The following THSD4 variants were observed in gnomAD, a reference collection of about 807,000 sequenced individuals.
The protein encoded by THSD4 is thrombospondin type 1 domain containing 4, also known as thrombospondin type-1 domain-containing protein 4.
In THSD4, 69 loss-of-function variants were observed where a neutral mutation model predicts 119.0. The ratio of observed to expected loss-of-function variants is 0.58; its 90% CI spans 0.48 to 0.71. The LOEUF (loss-of-function observed/expected upper bound fraction) is 0.71. THSD4 is among the 30% of genes least tolerant of loss of function. THSD4 has a pLI of 0.00. For synonymous variants in THSD4, 524 were observed against 540.4 expected (o/e 0.97, Z 0.42); for missense variants, 1,393 against 1,391.1 (o/e 1.00, Z -0.02).
In THSD4 at chr15:71,724,287, A is replaced by AT. The variant is rs1555445828; in HGVS notation, c.1358-4252dup. Among the ~76,000 whole-genome samples, 198 of 37,244 alleles carry AT rather than the reference A, an allele frequency of 5.3e-3. 2 individuals carry two copies. The highest frequency in any genetic ancestry group is 0.01 in the Admixed American group (25 of 2,408). The allele number at this position is 37,244 out of a possible 152,430, so 24.4% of individuals were successfully genotyped here. A position where few individuals can be genotyped will look rare whatever the true frequency, so the allele number is the denominator to read the frequency against. ...ATGGGATATATATATATATATATAT[A>AT]TTTTTTTTTTCCCCCCAAGATGGAA... On this transcript the variant is annotated intron_variant, in intron 8 of 17. Coordinates refer to ENST00000261862, the MANE Select transcript of THSD4 (RefSeq NM_024817.3).
intron 4 of THSD4, among the ~76,000 whole-genome samples, chr15:71,218,083 T>G (rs1382881609): frequency 6.6e-6 from 1 of 152,228 alleles, no homozygotes; most frequent in Non-Finnish European, 1.5e-5. Flanking sequence ...CCCCAGGCAC[T>G]GTTCTTATCA....
intron 7 of THSD4, among the ~76,000 whole-genome samples, chr15:71,490,457 G>T (rs2047898848): frequency 6.6e-6 from 1 of 152,012 alleles, no homozygotes; most frequent in Non-Finnish European, 1.5e-5. Context: ...CTACTCGGGA[G>T]GCTGAGGCAG....
chr15:71,210,925 G>A (rs1208192156), intron 3 of THSD4, among the ~76,000 whole-genome samples: 1 of 151,988 alleles, frequency 6.6e-6, no homozygotes, highest in Non-Finnish European at 1.5e-5. Flanking sequence ...TACAAAATAT[G>A]ATGCAATATG....
intron 8 of THSD4, among the ~76,000 whole-genome samples, chr15:71,675,340 C>G (rs896629866): frequency 6.6e-6 from 1 of 152,176 alleles, no homozygotes; most frequent in Non-Finnish European, 1.5e-5. Flanking sequence ...CTCTCCAGCT[C>G]GGTACTTAAA....
At chr15:71,572,076 A>G (rs2049368585) in intron 7 of THSD4, among the ~76,000 whole-genome samples, 1 of 152,234 alleles carries the variant, frequency 6.6e-6, no homozygotes, top group Non-Finnish European at 1.5e-5. Flanking sequence ...AGAGAGAAAC[A>G]GGGATGGATA....
At chr15:71,450,808 G>A (rs907863461) in intron 7 of THSD4, among the ~76,000 whole-genome samples, 1 of 152,148 alleles carries the variant, frequency 6.6e-6, no homozygotes, top group African/African-American at 2.4e-5. Flanking sequence ...ACACACGGGA[G>A]CCCCACAAAA....
chr15:71,664,621 A>G (rs1408885918), intron 8 of THSD4, among the ~76,000 whole-genome samples: 1 of 152,078 alleles, frequency 6.6e-6, no homozygotes, highest in African/African-American at 2.4e-5. Flanking sequence ...CCTAGTATCC[A>G]ATAGTTATTT....
At chr15:71,181,673 G>T (rs1336388684) in intron 3 of THSD4, among the ~76,000 whole-genome samples, 2 of 152,194 alleles carry the variant, frequency 1.3e-5, no homozygotes, top group African/African-American at 4.8e-5. Flanking sequence ...TGGCTGACTT[G>T]ACTTTAATTG....
chr15:71,651,366 G>T (rs1301604936), intron 7 of THSD4, among the ~76,000 whole-genome samples: 1 of 152,126 alleles, frequency 6.6e-6, no homozygotes, highest in Non-Finnish European at 1.5e-5. Context: ...TCCATCTCCA[G>T]TCCATTGCCC....
At chr15:71,461,758 T>G (rs995888847) in intron 7 of THSD4, among the ~76,000 whole-genome samples, 52 of 151,984 alleles carry the variant, frequency 3.4e-4, no homozygotes, top group African/African-American at 1.3e-3. Context: ...TAGGATTTTC[T>G]TCCACTATGA....
chr15:71,099,519 T>A (rs1016387219), intron 1 of THSD4, among the ~76,000 whole-genome samples: 1 of 152,212 alleles, frequency 6.6e-6, no homozygotes, highest in South Asian at 2.1e-4. Context: ...TATTATGCAA[T>A]GTGTCCTCTT....
At chr15:71,361,489 A>G (rs186333930) in intron 6 of THSD4, among the ~76,000 whole-genome samples, 2 of 152,368 alleles carry the variant, frequency 1.3e-5, no homozygotes, top group East Asian at 3.9e-4. Context: ...GGCAAAGATA[A>G]AAAATGCTAA....
chr15:71,116,264 C>T (rs2040361568), intron 1 of THSD4, among the ~76,000 whole-genome samples: 2 of 152,262 alleles, frequency 1.3e-5, no homozygotes, highest in Non-Finnish European at 2.9e-5. Flanking sequence ...GGGTTGTTTC[C>T]GCCAACTCTG....
At chr15:71,658,358 C>T (rs948277795) in intron 7 of THSD4, among the ~76,000 whole-genome samples, 2 of 152,168 alleles carry the variant, frequency 1.3e-5, no homozygotes, top group Non-Finnish European at 2.9e-5. Flanking sequence ...AACAGAAGGA[C>T]CCCTATGAGA....
Position 71,738,062 on chromosome 15 carries a change from G to A in THSD4, c.1906+55G>A, listed in dbSNP as rs771001617. ...CTGCAGAACCCTAAGCAAGGAGTGT[G>A]TGGGTGGCCCAAGGCAGCGGTCCCC... On this transcript the variant is annotated intron_variant, in intron 11 of 17. Transcript: ENST00000261862. 1.0e-5 allele frequency: 16 copies of A among 1,598,460 alleles called. No homozygotes were observed. The South Asian group carries it at 1.5e-4, about 15-fold the overall frequency.
At chr15:71,731,322 G>A (rs2052976167) in intron 10 of THSD4, 105 bp downstream of exon 10, 2 of 1,107,310 alleles carry the variant, frequency 1.8e-6, no homozygotes, top group Middle Eastern at 2.3e-4. Context: ...TCAACACAGA[G>A]AAAATTGAGG....
intron 1 of THSD4, among the ~76,000 whole-genome samples, chr15:71,137,416 T>C (rs373644044): frequency 2.6e-4 from 40 of 152,226 alleles, no homozygotes; most frequent in African/African-American, 9.6e-4. Flanking sequence ...ATCACAGTTC[T>C]AGGCCTCCGC....
chr15:71,500,729 A>G (rs1051025235), intron 7 of THSD4, among the ~76,000 whole-genome samples: 3 of 152,204 alleles, frequency 2.0e-5, no homozygotes, highest in Non-Finnish European at 4.4e-5. Flanking sequence ...CGTGTTGGAG[A>G]GACTGTTCTT....
rs184106293 is a variant in THSD4 at position 71,318,118 on chromosome 15, T to A, written c.1015+61403T>A. Among the ~76,000 whole-genome samples the A allele has an allele frequency of 2.9e-4, 44 of 152,268 alleles. 1 individual carries two copies. The highest frequency in any genetic ancestry group is 9.8e-4 in the Admixed American group (15 of 15,278). On this transcript the variant is annotated intron_variant, in intron 6 of 17. Coordinates refer to ENST00000261862, the MANE Select transcript of THSD4 (RefSeq NM_024817.3). ...ATTCAGGGAGCATGGAGTTACTTGT[T>A]CCTAATCTGCTTGGTCCGCCTTTGA...
Sources: gnomAD v4.1 joint callset for allele counts (sites outside exome capture counted in the v4.1 genomes callset) on GRCh38, gnomAD v4.1.1 for gene constraint, MANE v1.5 for transcripts, NCBI Gene and HGNC (gene_info 2026-07-23, HGNC 2026-07-21) for gene names.